IL1RAPL2: variants seen among roughly 807,000 people sequenced by gnomAD.
IL1RAPL2 encodes interleukin 1 receptor accessory protein like 2.
In IL1RAPL2, 3 loss-of-function variants were observed where a neutral mutation model predicts 44.1. That is an observed-to-expected ratio of 0.07 (90% confidence interval 0.03 to 0.18). The LOEUF (loss-of-function observed/expected upper bound fraction) is 0.18, where lower values mean the gene tolerates loss of function less well. Among genes scored for constraint, IL1RAPL2 ranks in the 10% least tolerant of loss-of-function variants. The probability of loss-of-function intolerance (pLI) is 1.00; values close to 1 mark genes in which losing one functional copy is unlikely to be tolerated. For missense variants in IL1RAPL2, 391 were observed against 496.4 expected, an observed-to-expected ratio of 0.79 and a Z score of 2.02; for synonymous variants, 181 against 178.8, an observed-to-expected ratio of 1.01 and a Z score of -0.10.
At chrX:105,145,076 A>ATT (rs1323046409) in intron 2 of IL1RAPL2, among the ~76,000 whole-genome samples, 1 of 111,804 alleles carries the variant, frequency 8.9e-6, no homozygotes, top group Non-Finnish European at 1.9e-5. Context: ...TTGAACTTAA[A>ATT]TGTTTCTTGA....
At chrX:105,487,170 G>A (rs1473143447) in intron 6 of IL1RAPL2, among the ~76,000 whole-genome samples, 1 of 109,855 alleles carries the variant, frequency 9.1e-6, no homozygotes, top group East Asian at 2.8e-4. Context: ...TGTGGTCCCT[G>A]GAGGAATACC....
chrX:104,944,691 C>A (rs1177089477), intron 2 of IL1RAPL2, among the ~76,000 whole-genome samples: 1 of 111,743 alleles, frequency 8.9e-6, no homozygotes, highest in Admixed American at 9.6e-5. Context: ...TTTCCTAGGC[C>A]TTATTTTCAG....
chrX:104,641,066 T>C (rs1929924498), intron 1 of IL1RAPL2, among the ~76,000 whole-genome samples: 2 of 111,962 alleles, frequency 1.8e-5, no homozygotes, highest in African/African-American at 6.5e-5. Context: ...GCATGGGTAA[T>C]GTCAGTAGCA....
intron 2 of IL1RAPL2, among the ~76,000 whole-genome samples, chrX:104,683,499 C>T (rs372634357): frequency 1.2e-4 from 14 of 112,101 alleles, no homozygotes; most frequent in African/African-American, 4.5e-4. Flanking sequence ...TCACCCACTC[C>T]ACTTCAACCA....
intron 2 of IL1RAPL2, among the ~76,000 whole-genome samples, chrX:105,043,664 C>T (rs1460817398): frequency 1.8e-5 from 2 of 110,728 alleles, no homozygotes; most frequent in Non-Finnish European, 3.8e-5. Context: ...GTCAGTATAT[C>T]CTGAGGAGGT....
At chrX:104,598,258 T>C (rs1928807139) in intron 1 of IL1RAPL2, among the ~76,000 whole-genome samples, 1 of 112,028 alleles carries the variant, frequency 8.9e-6, no homozygotes, top group Non-Finnish European at 1.9e-5. Context: ...CACTTGGCTT[T>C]CTATCATGAC....
At chrX:105,378,837 C>G (rs6523844) in intron 5 of IL1RAPL2, among the ~76,000 whole-genome samples, 14,603 of 111,534 alleles carry the variant, frequency 0.13, 2,321 homozygotes, top group African/African-American at 0.45. Flanking sequence ...TTTTCCCCAA[C>G]TTTCTATTCT....
chrX:104,748,233 G>A (rs1932206502), intron 2 of IL1RAPL2, among the ~76,000 whole-genome samples: 1 of 111,261 alleles, frequency 9.0e-6, no homozygotes, highest in African/African-American at 3.3e-5. Context: ...GAATGCATAG[G>A]GTAAGGATTC....
At chrX:105,415,816 T>A (rs1229335493) in intron 5 of IL1RAPL2, among the ~76,000 whole-genome samples, 1 of 111,701 alleles carries the variant, frequency 9.0e-6, no homozygotes, top group South Asian at 3.7e-4. Context: ...AAAAAATTAC[T>A]TATGTTAGAA....
At chrX:104,957,311 T>C (rs1401638283) in intron 2 of IL1RAPL2, among the ~76,000 whole-genome samples, 2 of 111,878 alleles carry the variant, frequency 1.8e-5, no homozygotes, top group Non-Finnish European at 3.8e-5. Flanking sequence ...GTCCCTGGAA[T>C]TAAAGGAGGA....
chrX:105,243,541 ATGTGTG>A lies in IL1RAPL2; in HGVS notation c.543+9539_543+9544del, dbSNP rs1556210727. Among the ~76,000 whole-genome samples the A allele has an allele frequency of 0.027, 2,050 of 76,344 alleles. 69 individuals carry two copies. The African/African-American group carries it at 0.32, about 12-fold the overall frequency. The allele number at this position is 76,344 out of a possible 115,157, so 66.3% of individuals were successfully genotyped here. On this transcript the variant is annotated intron_variant, in intron 4 of 10. Transcript: ENST00000372582. ...CTACAAATGGAGATTTCATATATAT[ATGTGTG>A]TATATATATATATATGTGTGTATAT...
At chrX:104,585,353 T>TCTATAATATATATATTATATATTATATA (rs1928527645) in intron 1 of IL1RAPL2, among the ~76,000 whole-genome samples, 1 of 19,689 alleles carries the variant, frequency 5.1e-5, no homozygotes, top group Non-Finnish European at 7.1e-5. Context: ...TTATATATAT[T>TCTATAATATATATATTATATATTATATA]ATATATATTA....
intron 2 of IL1RAPL2, among the ~76,000 whole-genome samples, chrX:104,739,717 C>G (rs1233127779): frequency 1.8e-5 from 2 of 111,916 alleles, no homozygotes; most frequent in Non-Finnish European, 3.8e-5. Flanking sequence ...TAAACTACAG[C>G]ACTACTTCTA....
At chrX:105,122,767 A>G (rs1274105493) in intron 2 of IL1RAPL2, among the ~76,000 whole-genome samples, 1 of 111,795 alleles carries the variant, frequency 8.9e-6, no homozygotes, top group East Asian at 2.8e-4. Flanking sequence ...AGCATCTAAT[A>G]TGTCCCTGGC....
chrX:104,610,815 C>T (rs887826961), intron 1 of IL1RAPL2, among the ~76,000 whole-genome samples: 5 of 111,614 alleles, frequency 4.5e-5, no homozygotes, highest in Non-Finnish European at 9.4e-5. Flanking sequence ...GAGCCCGCAT[C>T]GCCAAGTCAA....
At chrX:105,170,086 T>A (rs950310661) in intron 2 of IL1RAPL2, among the ~76,000 whole-genome samples, 1 of 110,953 alleles carries the variant, frequency 9.0e-6, no homozygotes, top group South Asian at 3.9e-4. Context: ...AATTTCTAAC[T>A]TGTTATAAAA....
At chrX:104,857,626 T>C in intron 2 of IL1RAPL2, among the ~76,000 whole-genome samples, 1 of 111,449 alleles carries the variant, frequency 9.0e-6, no homozygotes, top group Non-Finnish European at 1.9e-5. Flanking sequence ...TTATAAACAT[T>C]AAATTTAAGG....
At chrX:104,828,964 C>T (rs1163456126) in intron 2 of IL1RAPL2, among the ~76,000 whole-genome samples, 2 of 112,146 alleles carry the variant, frequency 1.8e-5, no homozygotes, top group African/African-American at 3.2e-5. Flanking sequence ...TCAGTAATGG[C>T]AGACGCCCCT....
intron 5 of IL1RAPL2, among the ~76,000 whole-genome samples, chrX:105,339,307 C>T (rs1019130138): frequency 1.4e-5 from 1 of 70,601 alleles, no homozygotes; most frequent in Non-Finnish European, 3.1e-5. Context: ...TAGGATTTCC[C>T]CAAAACATAT....
Sources: gnomAD v4.1 joint callset for allele counts (sites outside exome capture counted in the v4.1 genomes callset) on GRCh38, gnomAD v4.1.1 for gene constraint, MANE v1.5 for transcripts, NCBI Gene and HGNC (gene_info 2026-07-23, HGNC 2026-07-21) for gene names.